SYT14: variants seen among roughly 807,000 people sequenced by gnomAD.
SYT14 encodes the protein synaptotagmin 14, also known as synaptotagmin-14.
Under a neutral mutation model 74.2 loss-of-function variants are expected in SYT14, and 32 were observed. The ratio of observed to expected loss-of-function variants is 0.43; its 90% CI spans 0.33 to 0.58. The LOEUF is 0.58. SYT14 is among the 20% of genes least tolerant of loss of function. The probability of loss-of-function intolerance (pLI) is 0.05; values close to 1 mark genes in which losing one functional copy is unlikely to be tolerated. For missense variants in SYT14, 791 were observed against 981.8 expected (o/e 0.81, Z 2.60); for synonymous variants, 298 against 337.7 (o/e 0.88, Z 1.29).
intron 2 of SYT14, among the ~76,000 whole-genome samples, chr1:209,993,819 A>C (rs2079737510): frequency 6.6e-6 from 1 of 152,104 alleles, no homozygotes; most frequent in African/African-American, 2.4e-5. Flanking sequence ...GAAGTACCAA[A>C]GAGTTGTGTG....
intron 7 of SYT14, among the ~76,000 whole-genome samples, chr1:210,109,515 T>C (rs1196856844): frequency 6.7e-6 from 1 of 150,366 alleles, no homozygotes; most frequent in East Asian, 1.9e-4. Flanking sequence ...GAGGTGGAGG[T>C]TGCAGTGAGC....
intron 1 of SYT14, among the ~76,000 whole-genome samples, chr1:209,944,955 AC>A (rs1376044044): frequency 2.6e-5 from 4 of 152,240 alleles, no homozygotes; most frequent in African/African-American, 9.6e-5. Context: ...AAGGGAATTA[AC>A]CTTTTTTGGG....
chr1:210,087,321 A>C (rs902034485), intron 5 of SYT14, among the ~76,000 whole-genome samples: 5 of 152,060 alleles, frequency 3.3e-5, no homozygotes, highest in African/African-American at 1.2e-4. Context: ...TCAGGCTCTG[A>C]TATACTTCAC....
chr1:210,014,097 T>C (rs1400318867), intron 3 of SYT14, among the ~76,000 whole-genome samples: 1 of 152,170 alleles, frequency 6.6e-6, no homozygotes. Flanking sequence ...AGGAGGTATC[T>C]TGTTACTTTG....
chr1:210,099,856 T>G (rs1343656683), intron 6 of SYT14, among the ~76,000 whole-genome samples, 156 bp from the exon 6 acceptor site: 2 of 152,236 alleles, frequency 1.3e-5, no homozygotes. Flanking sequence ...CTCTATAGGG[T>G]AGCTTTTGGT....
chr1:210,137,716 T>TA (rs2082818502), intron 7 of SYT14, among the ~76,000 whole-genome samples: 1 of 146,808 alleles, frequency 6.8e-6, no homozygotes, highest in Non-Finnish European at 1.5e-5. Context: ...GTTTTGCTCT[T>TA]GTTACCCAGG....
intron 5 of SYT14, among the ~76,000 whole-genome samples, chr1:210,076,982 GT>G (rs2102465405): frequency 6.6e-6 from 1 of 152,274 alleles, no homozygotes; most frequent in Admixed American, 6.5e-5. Flanking sequence ...ACTTAGCATA[GT>G]GTTTTGAAGG....
At chr1:210,105,457 G>A (rs1218775551) in intron 7 of SYT14, among the ~76,000 whole-genome samples, 1 of 152,184 alleles carries the variant, frequency 6.6e-6, no homozygotes, top group African/African-American at 2.4e-5. Flanking sequence ...TTTGAAGGAA[G>A]CCTCTGTTGC....
intron 2 of SYT14, among the ~76,000 whole-genome samples, chr1:209,955,368 T>A (rs796964823): frequency 6.6e-6 from 1 of 152,252 alleles, no homozygotes; most frequent in South Asian, 2.1e-4. Flanking sequence ...TAGCACTGTC[T>A]ACCCAGTTAC....
At chr1:209,977,353 CT>C (rs1378429028) in intron 2 of SYT14, among the ~76,000 whole-genome samples, 1 of 152,114 alleles carries the variant, frequency 6.6e-6, no homozygotes, top group Admixed American at 6.5e-5. Context: ...CTGGTTGTTC[CT>C]TTCCATGTTT....
At chr1:209,989,913 A>G (rs960722206) in intron 2 of SYT14, among the ~76,000 whole-genome samples, 15 of 152,086 alleles carry the variant, frequency 9.9e-5, no homozygotes, top group Non-Finnish European at 1.8e-4. Flanking sequence ...ATTTCAATTT[A>G]TACTTTTTAA....
chr1:209,978,109 A>AT (rs539317484), intron 2 of SYT14, among the ~76,000 whole-genome samples: 17 of 151,424 alleles, frequency 1.1e-4, no homozygotes, highest in African/African-American at 3.6e-4. Context: ...CATTCGTATA[A>AT]TTTTTTTTCA....
chr1:210,004,714 G>C (rs2079959387), intron 2 of SYT14, among the ~76,000 whole-genome samples: 1 of 151,902 alleles, frequency 6.6e-6, no homozygotes, highest in African/African-American at 2.4e-5. Flanking sequence ...ACATGATTCT[G>C]CTCCAAAACT....
intron 8 of SYT14, among the ~76,000 whole-genome samples, chr1:210,157,202 G>A (rs1192239799): frequency 6.6e-6 from 1 of 151,990 alleles, no homozygotes; most frequent in Non-Finnish European, 1.5e-5. Context: ...AGCACTTTAG[G>A]AGGCTGAGGC....
chr1:210,165,376 G>T (rs74759535), exon 10 of SYT14: 13 of 152,262 alleles, frequency 8.5e-5, no homozygotes, highest in African/African-American at 3.1e-4. Context: ...GACACAAGTG[G>T]TGGTACTTTT....
intron 5 of SYT14, among the ~76,000 whole-genome samples, chr1:210,056,196 A>T (rs143007781): frequency 6.6e-6 from 1 of 152,102 alleles, no homozygotes; most frequent in South Asian, 2.1e-4. Context: ...AATATTTCCA[A>T]CATTTATCCT....
At chr1:210,125,558 T>C (rs1302765616) in intron 7 of SYT14, among the ~76,000 whole-genome samples, 1 of 152,204 alleles carries the variant, frequency 6.6e-6, no homozygotes, top group Non-Finnish European at 1.5e-5. Context: ...ACTTAGTAGC[T>C]CCTTTGGGGG....
intron 2 of SYT14, among the ~76,000 whole-genome samples, chr1:209,965,318 T>A (rs1420814386): frequency 1.3e-5 from 2 of 152,214 alleles, no homozygotes; most frequent in East Asian, 3.8e-4. Context: ...GATGTTTGAT[T>A]TTCTATTTCT....
chr1:210,139,197 G>A (rs573167586), intron 7 of SYT14, among the ~76,000 whole-genome samples: 8 of 147,874 alleles, frequency 5.4e-5, no homozygotes, highest in South Asian at 2.1e-4. Flanking sequence ...AGCAATTCTC[G>A]TGCCTCAGCC....
Sources: gnomAD v4.1 joint callset for allele counts (sites outside exome capture counted in the v4.1 genomes callset) on GRCh38, gnomAD v4.1.1 for gene constraint, MANE v1.5 for transcripts, NCBI Gene and HGNC (gene_info 2026-07-23, HGNC 2026-07-21) for gene names.